Variants in ZNF831 observed in about 807,000 individuals in gnomAD.
ZNF831 encodes the protein zinc finger protein 831, also known as chromosome 20 open reading frame 174.
In ZNF831, 59 loss-of-function variants were observed where a neutral mutation model predicts 95.8. The ratio of observed to expected loss-of-function variants is 0.62; its 90% confidence interval spans 0.50 to 0.77. ZNF831 has a LOEUF of 0.77. ZNF831 is among the 30% of genes least tolerant of loss of function. The probability of loss-of-function intolerance (pLI) is 0.00; values close to 1 mark genes in which losing one functional copy is unlikely to be tolerated. For missense variants in ZNF831, 2,205 were observed against 2,164.0 expected, an observed-to-expected ratio of 1.02 and a Z score of -0.38; for synonymous variants, 961 against 925.5, an observed-to-expected ratio of 1.04 and a Z score of -0.70.
chr20:59,172,427 G>A (rs1052041574), intron 1 of ZNF831, among the ~76,000 whole-genome samples: 5 of 152,136 alleles, frequency 3.3e-5, no homozygotes, highest in Non-Finnish European at 5.9e-5. Flanking sequence ...TTCCTGGCCT[G>A]GAAAAAGAGC....
chr20:59,243,554 T>G (rs1987443882), intron 4 of ZNF831, among the ~76,000 whole-genome samples: 1 of 152,186 alleles, frequency 6.6e-6, no homozygotes, highest in African/African-American at 2.4e-5. Context: ...CGCCTCAAAA[T>G]GTTTTCCCAA....
At chr20:59,241,546 CTT>C (rs980094410) in intron 4 of ZNF831, among the ~76,000 whole-genome samples, 6 of 152,192 alleles carry the variant, frequency 3.9e-5, no homozygotes, top group African/African-American at 1.4e-4. Flanking sequence ...TATAAGAAAA[CTT>C]TTGTAAGAAA....
intron 1 of ZNF831, among the ~76,000 whole-genome samples, chr20:59,127,758 A>G (rs866705513): frequency 1.1e-4 from 17 of 152,276 alleles, no homozygotes; most frequent in Non-Finnish European, 2.2e-4. Context: ...TGGTTCCTGT[A>G]GCACCCTCCA....
chr20:59,247,644 GATTA>G (rs1367316614), intron 4 of ZNF831, among the ~76,000 whole-genome samples: 3 of 152,178 alleles, frequency 2.0e-5, no homozygotes, highest in Non-Finnish European at 4.4e-5. Context: ...TTTAATCACA[GATTA>G]ATTAATAGTC....
rs1356290155 is a variant in ZNF831, at chr20:59,194,331, G to A, written c.3312G>A (p.Gly1104=). ...LNPWVPNWEL[G]EPPGNAPEDP... is the part of the protein sequence containing the mutation. ...CCTGGGTACCCAACTGGGAGCTGGG[G>A]GAGCCTCCTGGGAATGCCCCAGAAG... Residue 1104 remains glycine, a synonymous_variant, in exon 2 of 6, where the codon GGG becomes GGA. Transcript: ENST00000371030. The A allele has an allele frequency of 6.2e-7, 1 of 1,613,572 alleles. No homozygotes were observed. Among genetic ancestry groups the A allele is most frequent in the Non-Finnish European group, 8.5e-7 (1 of 1,179,834 alleles).
intron 2 of ZNF831, 166 bp from the exon 3 acceptor site, chr20:59,195,703 C>A: frequency 2.2e-6 from 2 of 918,410 alleles, no homozygotes; most frequent in Non-Finnish European, 2.6e-6. Context: ...GAACGCTCTG[C>A]CGTTGCCTGG....
At chr20:59,134,670 G>A (rs1979449223) in intron 1 of ZNF831, among the ~76,000 whole-genome samples, 1 of 152,132 alleles carries the variant, frequency 6.6e-6, no homozygotes, top group South Asian at 2.1e-4. Flanking sequence ...CACATGCTTG[G>A]CTCCCCATAG....
At chr20:59,246,135 A>C (rs956671837) in intron 4 of ZNF831, among the ~76,000 whole-genome samples, 3 of 152,052 alleles carry the variant, frequency 2.0e-5, no homozygotes, top group African/African-American at 7.2e-5. Flanking sequence ...CCTCCTCTGA[A>C]GGGATTTCTG....
At chr20:59,238,011 T>C (rs1437323081) in intron 4 of ZNF831, among the ~76,000 whole-genome samples, 4 of 152,160 alleles carry the variant, frequency 2.6e-5, no homozygotes, top group African/African-American at 9.7e-5. Context: ...GCATAAGACA[T>C]ATTTATGCTA....
At chr20:59,189,500 T>A (rs1983337339) in intron 1 of ZNF831, among the ~76,000 whole-genome samples, 1 of 152,186 alleles carries the variant, frequency 6.6e-6, no homozygotes, top group South Asian at 2.1e-4. Context: ...TGTTTTTTAT[T>A]ATTTTTAAAT....
intron 1 of ZNF831, among the ~76,000 whole-genome samples, chr20:59,144,394 C>G (rs928242510): frequency 1.3e-5 from 2 of 152,156 alleles, no homozygotes; most frequent in African/African-American, 4.8e-5. Context: ...TTGATCAGTT[C>G]TCTGTGGTGG....
intron 1 of ZNF831, among the ~76,000 whole-genome samples, chr20:59,186,131 C>A (rs1379593516): frequency 6.6e-6 from 1 of 152,198 alleles, no homozygotes; most frequent in Non-Finnish European, 1.5e-5. Context: ...CTCCTGGTGT[C>A]CCCCAGTGGG....
chr20:59,185,820 C>T (rs541433303), intron 1 of ZNF831, among the ~76,000 whole-genome samples: 9 of 152,290 alleles, frequency 5.9e-5, no homozygotes, highest in East Asian at 3.9e-4. Context: ...CCATTATAAC[C>T]GGGGGATCAG....
chr20:59,131,268 G>A (rs1007778078), intron 1 of ZNF831, among the ~76,000 whole-genome samples: 3 of 152,090 alleles, frequency 2.0e-5, no homozygotes, highest in Admixed American at 6.5e-5. Flanking sequence ...TGTACTTCAC[G>A]TTCATCTCCA....
At chr20:59,178,285 G>T (rs985456243) in intron 1 of ZNF831, among the ~76,000 whole-genome samples, 1 of 152,194 alleles carries the variant, frequency 6.6e-6, no homozygotes, top group Non-Finnish European at 1.5e-5. Flanking sequence ...AAATTTGCAC[G>T]TTAAGGGACT....
intron 4 of ZNF831, among the ~76,000 whole-genome samples, chr20:59,231,947 C>T (rs377675076): frequency 6.6e-6 from 1 of 152,196 alleles, no homozygotes; most frequent in Non-Finnish European, 1.5e-5. Flanking sequence ...CAGAACAAGG[C>T]GTGAGAGATT....
intron 2 of ZNF831, among the ~76,000 whole-genome samples, chr20:59,155,523 C>A (rs985401648): frequency 3.3e-5 from 5 of 152,122 alleles, no homozygotes; most frequent in Non-Finnish European, 5.9e-5. Flanking sequence ...GCTCTGTGAT[C>A]TTTAGAATGA....
intron 1 of ZNF831, among the ~76,000 whole-genome samples, chr20:59,139,133 T>C (rs1979598658): frequency 6.6e-6 from 1 of 152,250 alleles, no homozygotes; most frequent in Non-Finnish European, 1.5e-5. Flanking sequence ...GAGAATGTTA[T>C]ACGTTGAATC....
At chr20:59,211,157 A>G (rs1483036993) in intron 4 of ZNF831, among the ~76,000 whole-genome samples, 1 of 152,230 alleles carries the variant, frequency 6.6e-6, no homozygotes, top group Non-Finnish European at 1.5e-5. Flanking sequence ...CCTGCTGGGA[A>G]CACAGCTCCA....
Sources: gnomAD v4.1 joint callset for allele counts (sites outside exome capture counted in the v4.1 genomes callset) on GRCh38, gnomAD v4.1.1 for gene constraint, MANE v1.5 for transcripts, NCBI Gene and HGNC (gene_info 2026-07-23, HGNC 2026-07-21) for gene names.